Variants in ZIM2 observed in about 807,000 individuals in gnomAD.
ZIM2 encodes zinc finger protein 656.
ZIM2 carries 14 observed loss-of-function variants against 38.6 expected under a neutral mutation model. That is an observed-to-expected ratio of 0.36 (90% CI 0.24 to 0.57). ZIM2 has a LOEUF of 0.57. ZIM2 is among the 20% of genes least tolerant of loss of function. The pLI, the probability that ZIM2 is intolerant of heterozygous loss-of-function variation, is 0.81. For synonymous variants in ZIM2, 247 were observed against 245.8 expected (o/e 1.00, Z -0.04); for missense variants, 680 against 695.1 (o/e 0.98, Z 0.24).
chr19:56,811,388 C>T lies in ZIM2; in HGVS notation c.490+6358G>A, dbSNP rs970345229. 5 of 865,346 alleles carry T rather than the reference C, an allele frequency of 5.8e-6. No homozygotes were observed. In the Admixed American group the frequency reaches 1.9e-4, roughly 32 times the overall value. 53.6% of individuals were successfully genotyped at this position (865,346 alleles called of 1,614,324 possible). A position where few individuals can be genotyped will look rare whatever the true frequency, so the allele number is the denominator to read the frequency against. ...TATAACTGTAGTATAAATATACTTT[C>T]GTGTCCTGCTTTCTCCACTTAATGT... is the stretch of plus-strand genomic sequence containing the variant. On this transcript the variant is annotated intron_variant, in intron 9 of 12. Coordinates refer to ENST00000629319, the MANE Select transcript of ZIM2 (RefSeq NM_001387356.1).
chr19:56,818,264 G>A (rs1336474826), intron 8 of ZIM2, among the ~76,000 whole-genome samples: 2 of 152,114 alleles, frequency 1.3e-5, no homozygotes, highest in Non-Finnish European at 2.9e-5. Context: ...ATGTCTTCCA[G>A]GAAAGTCCAC....
chr19:56,816,863 G>C (rs776612828), intron 9 of ZIM2: 2 of 1,614,084 alleles, frequency 1.2e-6, no homozygotes, highest in Non-Finnish European at 1.7e-6. Context: ...CCTCTAGCAT[G>C]AATCTTCCGA....
chr19:56,828,190 C>T lies in ZIM2; in HGVS notation c.-226-1727G>A, dbSNP rs566437516. On this transcript the variant is annotated intron_variant, in intron 2 of 12. Transcript: ENST00000629319. ...GGCTCTCCCCGCATCGCCTCCCTAT[C>T]ACCATCCACAGCTTGAATCCATAGT... Among the ~76,000 whole-genome samples, 9 of 152,264 alleles carry T rather than the reference C, an allele frequency of 5.9e-5. No homozygotes were observed. The South Asian group carries it at 1.4e-3, about 25-fold the overall frequency.
chr19:56,810,655 AC>A lies in ZIM2; in HGVS notation c.490+7090del, dbSNP rs2048073542. The A allele has an allele frequency of 4.2e-6, 4 of 957,178 alleles. No homozygotes were observed. The South Asian group carries it at 1.9e-4, about 46-fold the overall frequency. 59.3% of individuals were successfully genotyped at this position (957,178 alleles called of 1,614,324 possible). ...TAAGGAATTTGAGACAAAATATTTA[AC>A]CAAATTCCCACAATGACAACACTAT... On this transcript the variant is annotated intron_variant, in intron 9 of 12. Transcript: ENST00000629319.
chr19:56,786,620 C>A (rs1600731891), intron 10 of ZIM2, among the ~76,000 whole-genome samples: 1 of 152,004 alleles, frequency 6.6e-6, no homozygotes, highest in Non-Finnish European at 1.5e-5. Flanking sequence ...GTCTCAAATC[C>A]CCAAATCCAA....
intron 9 of ZIM2, chr19:56,811,213 C>T: frequency 1.0e-6 from 1 of 970,082 alleles, no homozygotes; most frequent in Non-Finnish European, 1.2e-6. Context: ...AAAGAACATT[C>T]AAGAAATTTA....
chr19:56,785,792 T>A (rs1185879319), intron 10 of ZIM2, among the ~76,000 whole-genome samples: 1 of 152,230 alleles, frequency 6.6e-6, no homozygotes, highest in African/African-American at 2.4e-5. Flanking sequence ...CCTGGGGATC[T>A]TGTTAAACAC....
At chr19:56,828,219 A>T (rs2061246400) in intron 2 of ZIM2, among the ~76,000 whole-genome samples, 1 of 152,122 alleles carries the variant, frequency 6.6e-6, no homozygotes, top group Admixed American at 6.5e-5. Flanking sequence ...CCATAGTCAT[A>T]CCCTAACCTG....
intron 2 of ZIM2, chr19:56,833,126 T>C (rs371408189): frequency 8.9e-5 from 46 of 516,066 alleles, no homozygotes; most frequent in African/African-American, 5.2e-4. Flanking sequence ...TCTGGGACCA[T>C]GTGTGAGAAG....
At chr19:56,796,107 G>A (rs1203715181) in intron 9 of ZIM2, among the ~76,000 whole-genome samples, 1 of 152,098 alleles carries the variant, frequency 6.6e-6, no homozygotes, top group Non-Finnish European at 1.5e-5. Flanking sequence ...ACTTGTAGAA[G>A]AAATGTATAT....
Position 56,815,787 on chromosome 19 carries a change from G to A in ZIM2, c.490+1959C>T, listed in dbSNP as rs757664474. ...AGTCTTCATAGTTGCGATTCTTACT[G>A]CCCCCTTCACAAGGGTTCTCTCTGG... On this transcript the variant is annotated intron_variant, in intron 9 of 12. Coordinates refer to ENST00000629319, the MANE Select transcript of ZIM2 (RefSeq NM_001387356.1). 4 of 1,613,234 alleles carry A rather than the reference G, an allele frequency of 2.5e-6. No individual in the cohort carries two copies. The African/African-American group carries it at 5.3e-5, about 22-fold the overall frequency.
intron 10 of ZIM2, among the ~76,000 whole-genome samples, chr19:56,784,792 C>CT (rs2046510152): frequency 6.6e-6 from 1 of 152,028 alleles, no homozygotes; most frequent in Non-Finnish European, 1.5e-5. Context: ...CATTTACACT[C>CT]TAAAATTTTA....
In ZIM2 at chr19:56,814,184, C is replaced by T. The variant is rs372205190; in HGVS notation, c.490+3562G>A. The T allele has an allele frequency of 9.9e-6, 16 of 1,614,126 alleles. No homozygotes were observed. The highest frequency in any genetic ancestry group is 1.4e-5 in the Non-Finnish European group (16 of 1,180,034). ...TCTCCATCTGGCCCTTCAGCCTCTC[C>T]GTTTGGCTCAGCAGCCTCCACTTCT... is the stretch of plus-strand genomic sequence containing the variant. On this transcript the variant is annotated intron_variant, in intron 9 of 12. Transcript: ENST00000629319. The surrounding 1 kb of genome is among the most constrained non-coding windows in gnomAD (Gnocchi z 5.8).
At chr19:56,827,113 T>C (rs1026065516) in intron 2 of ZIM2, among the ~76,000 whole-genome samples, 2 of 152,164 alleles carry the variant, frequency 1.3e-5, no homozygotes, top group Non-Finnish European at 2.9e-5. Flanking sequence ...CAAGTAAACT[T>C]TCTGTGAATA....
At chr19:56,839,524 C>T (rs1289579717) in intron 1 of ZIM2, among the ~76,000 whole-genome samples, 20 of 151,958 alleles carry the variant, frequency 1.3e-4, no homozygotes, top group Admixed American at 1.3e-3. Context: ...GCGCAGCAAA[C>T]CTCAGCAGCC....
At chr19:56,777,391 T>C (rs2046076672) in intron 12 of ZIM2, among the ~76,000 whole-genome samples, 1 of 152,348 alleles carries the variant, frequency 6.6e-6, no homozygotes, top group East Asian at 1.9e-4. Context: ...CAGTTCTTCT[T>C]TCAGGGAATA....
chr19:56,814,541 C>T lies in ZIM2; in HGVS notation c.490+3205G>A, dbSNP rs1253910557. 13 of 1,613,670 alleles carry T rather than the reference C, an allele frequency of 8.1e-6. No homozygotes were observed. Among genetic ancestry groups the T allele is most frequent in the South Asian group, 6.6e-5 (6 of 91,030 alleles). Reference sequence around the variant, plus strand: ...TAGGGCTCATTCTTATGAACAGTTACGTGATCTGCAAGTTCTGCTGGGTTG... The same window carrying T: ...TAGGGCTCATTCTTATGAACAGTTATGTGATCTGCAAGTTCTGCTGGGTTG... On this transcript the variant is annotated intron_variant, in intron 9 of 12. Coordinates refer to ENST00000629319, the MANE Select transcript of ZIM2 (RefSeq NM_001387356.1). This position sits in a 1 kb window ranked among gnomAD's most constrained non-coding sequence, Gnocchi z 5.8.
chr19:56,813,442 T>A (rs1170587779), intron 9 of ZIM2: 1 of 1,346,900 alleles, frequency 7.4e-7, no homozygotes, highest in Non-Finnish European at 9.5e-7. Flanking sequence ...AAAGGTAAGA[T>A]GTGTGCTATG....
chr19:56,797,076 C>T (rs1170785449), intron 9 of ZIM2, among the ~76,000 whole-genome samples: 1 of 152,004 alleles, frequency 6.6e-6, no homozygotes, highest in Non-Finnish European at 1.5e-5. Flanking sequence ...CTTTGGGAGG[C>T]TGAGGCAGGC....
Sources: allele counts gnomAD v4.1 joint callset (sites outside exome capture counted in the v4.1 genomes callset), GRCh38; gene constraint gnomAD v4.1.1; non-coding constraint Gnocchi (gnomAD v3.1); transcripts MANE v1.5; gene names NCBI Gene and HGNC (gene_info 2026-07-23, HGNC 2026-07-21).